The following SUSD2 variants were observed in gnomAD, a reference collection of about 807,000 sequenced individuals.
SUSD2 encodes the protein sushi domain containing 2.
Under a neutral mutation model 93.8 loss-of-function variants are expected in SUSD2, and 86 were observed. The observed-to-expected ratio is 0.92, with a 90% CI of 0.77 to 1.10. SUSD2 has a LOEUF of 1.10. SUSD2 is among the 50% of genes least tolerant of loss of function. The probability of loss-of-function intolerance (pLI) is 0.00; values close to 1 mark genes in which losing one functional copy is unlikely to be tolerated. For synonymous variants in SUSD2, 483 were observed against 485.0 expected, an observed-to-expected ratio of 1.00 and a Z score of 0.05; for missense variants, 1,060 against 1,137.0, an observed-to-expected ratio of 0.93 and a Z score of 0.97.
chr22:24,181,573 C>A lies in SUSD2; in HGVS notation c.54C>A (p.Gly18=). Residue 18 remains glycine, a synonymous_variant, in exon 1 of 15, where the codon GGC becomes GGA. Coordinates refer to ENST00000358321, the MANE Select transcript of SUSD2 (RefSeq NM_019601.4). Reference sequence around the variant, plus strand: ...TGCTGCTGCTGGCGACAGCCCTCGGCCCGGGCCCCGGACCCACAGCAGGTA... The same window carrying A: ...TGCTGCTGCTGGCGACAGCCCTCGGACCGGGCCCCGGACCCACAGCAGGTA... ...WALLLLATAL[G]PGPGPTADAQ... 1 of 1,599,992 alleles carries A rather than the reference C, an allele frequency of 6.3e-7. No individual in the cohort carries two copies. The highest frequency in any genetic ancestry group is 1.1e-5 in the South Asian group (1 of 88,850).
intron 10 of SUSD2, chr22:24,186,689 C>T (rs1382283919): frequency 1.9e-6 from 1 of 519,214 alleles, no homozygotes; most frequent in Non-Finnish European, 3.5e-6. Flanking sequence ...TCACCGCTGG[C>T]CTGCACAGAG....
At position 24,182,662 on chromosome 22, in the gene SUSD2, C is replaced by G. The variant is rs1247714548; in HGVS notation, c.77-395C>G. The G allele has an allele frequency of 9.9e-5, 21 of 213,048 alleles. No individual in the cohort carries two copies. The Admixed American group carries it at 1.1e-3, about 11-fold the overall frequency. The allele number at this position is 213,048 out of a possible 1,614,324, so 13.2% of individuals were successfully genotyped here. ...AGAAGGCGTGCTGACCACAGACACC[C>G]TGGGGAGCCAAGAGAGGTCGAGGGC... On this transcript the variant is annotated intron_variant, in intron 1 of 14. Transcript: ENST00000358321.
Position 24,183,593 on chromosome 22 carries a change from C to T in SUSD2, c.386C>T (p.Thr129Ile), listed in dbSNP as rs1212222979. 3 of 1,613,236 alleles carry T rather than the reference C, an allele frequency of 1.9e-6. No homozygotes were observed. Among genetic ancestry groups the T allele is most frequent in the Middle Eastern group, 1.6e-4 (1 of 6,082 alleles). The change falls in exon 3 of 15, where the codon ACT becomes ATT. Residue 129 changes from threonine to isoleucine, a missense_variant. This residue lies in a region of SUSD2 where 973 missense variants were observed against 1,005.3 expected (regional missense o/e 0.97). Transcript: ENST00000358321. ...TATGAGAGCGGCCGCATCCCCTTCA[C>T]TGTGTCACTGGACAACGGCCACTCC... The part of the protein sequence containing the change: ...LLYESGRIPF[T>I]VSLDNGHSFP...
rs778003084 is a variant in SUSD2 at position 24,186,233 on chromosome 22, C to G, written c.1484-24C>G. 1.1e-5 allele frequency: 17 copies of G among 1,611,610 alleles called. 1 individual carries two copies. Among genetic ancestry groups the G allele is most frequent in the Admixed American group, 6.7e-5 (4 of 59,854 alleles). On this transcript the variant is annotated intron_variant, in intron 9 of 14. Coordinates refer to ENST00000358321, the MANE Select transcript of SUSD2 (RefSeq NM_019601.4). ...GGTGGGAGGCTGGAGCCAAGTGGCT[C>G]CCGTTCTGCTCCCACCACCGCAGGC...
Position 24,187,631 on chromosome 22 carries a change from TC to T in SUSD2, c.1954del (p.Leu652CysfsTer48), listed in dbSNP as rs1350287876. ...GATTCCTGGTTCCTGGTCCACAACT[TC>T]CTGTACCAACCCAAGCACGACCCCA... ...TYDSWFLVHN[F>X]LYQPKHDPTF... is the part of the protein sequence containing the mutation. On this transcript the variant is annotated frameshift_variant, in exon 12 of 15. Coordinates refer to ENST00000358321, the MANE Select transcript of SUSD2 (RefSeq NM_019601.4). LOFTEE classifies it high-confidence loss of function. 1.2e-6 allele frequency: 2 copies of T among 1,613,978 alleles called. No homozygotes were observed. Among genetic ancestry groups the T allele is most frequent in the Non-Finnish European group, 1.7e-6 (2 of 1,179,962 alleles).
rs142969973 is a variant in SUSD2 at position 24,186,540 on chromosome 22, C to T, written c.1642+125C>T. The T allele has an allele frequency of 4.4e-3, 5,314 of 1,198,288 alleles. 47 individuals carry two copies. The highest frequency in any genetic ancestry group is 3.9e-3 in the Non-Finnish European group (3,358 of 864,794). The allele number at this position is 1,198,288 out of a possible 1,614,324, so 74.2% of individuals were successfully genotyped here. A position where few individuals can be genotyped will look rare whatever the true frequency, so the allele number is the denominator to read the frequency against. ...GTCCTGGCTAGAGGCCTGGGTGGTC[C>T]GACCTCAGGCCTTCACACCCACCGA... On this transcript the variant is annotated intron_variant, in intron 10 of 14. Transcript: ENST00000358321.
chr22:24,183,467 G>A (rs2047338540), intron 2 of SUSD2, 28 bp from the exon 3 acceptor site: 1 of 1,599,716 alleles, frequency 6.3e-7, no homozygotes. Flanking sequence ...CAATGACCCA[G>A]CCCCTCCCAC....
At chr22:24,185,067 C>A in intron 5 of SUSD2, 27 bp from the exon 6 acceptor site, 1 of 1,611,522 alleles carries the variant, frequency 6.2e-7, no homozygotes, top group Middle Eastern at 1.7e-4. Context: ...GTGGGCTGGC[C>A]CAGCTCCAGC....
intron 3 of SUSD2, 117 bp downstream of exon 3, chr22:24,183,763 G>A (rs559783717): frequency 4.1e-6 from 5 of 1,209,042 alleles, no homozygotes; most frequent in Admixed American, 2.5e-5. Context: ...CCAGTCCCTT[G>A]GGAGGCCTGC....
At position 24,184,171 on chromosome 22, in the gene SUSD2, G is replaced by T; in HGVS notation, c.475G>T (p.Glu159Ter). 1 of 1,612,814 alleles carries T rather than the reference G, an allele frequency of 6.2e-7. No individual in the cohort carries two copies. The highest frequency in any genetic ancestry group is 8.5e-7 in the Non-Finnish European group (1 of 1,180,006). ...CAAAGTGTCAATGATGGAGAAGAGC[G>T]AGTTGGTGAACGAGACGCGTTGGCA... ...PNKVSMMEKS[E>*]LVNETRWQYY... The change falls in exon 4 of 15, where the codon GAG becomes TAG. Residue 159 changes from glutamate (E) to a stop codon, truncating the protein, a stop_gained. Coordinates refer to ENST00000358321, the MANE Select transcript of SUSD2 (RefSeq NM_019601.4). LOFTEE classifies it high-confidence loss of function.
Position 24,188,276 on chromosome 22 carries a change from TGGC to T in SUSD2, c.2399_2401del (p.Ala800del), listed in dbSNP as rs768043805. 3 of 1,604,830 alleles carry T rather than the reference TGGC, an allele frequency of 1.9e-6. No homozygotes were observed. Among genetic ancestry groups the T allele is most frequent in the East Asian group, 2.2e-5 (1 of 44,750 alleles). On this transcript the variant is annotated inframe_deletion, in exon 14 of 15. Coordinates refer to ENST00000358321, the MANE Select transcript of SUSD2 (RefSeq NM_019601.4). This position sits in a 1 kb window ranked among gnomAD's most constrained non-coding sequence, Gnocchi z 4.7. ...ATCATCTTTGGGGGCCTCGCGGTGGTGGCGGCGGTTGCGCTCGTCTATGTGCTG... is the reference window on the plus strand; with the variant it reads ...ATCATCTTTGGGGGCCTCGCGGTGGTGGCGGTTGCGCTCGTCTATGTGCTG...
At position 24,186,331 on chromosome 22, in the gene SUSD2, C is replaced by A. The variant is rs974222200; in HGVS notation, c.1558C>A (p.Leu520Met). ...EGNSDVVEVR[L>M]ANRTGGLEVL... ...CAACTCAGATGTGGTGGAAGTCAGG[C>A]TGGCCAACAGGACCGGAGGTCTGGA... Residue 520 changes from leucine to methionine, a missense_variant, in exon 10 of 15, where the codon CTG becomes ATG. Leu to Met is a conservative substitution (Grantham distance 15, BLOSUM62 2). Around this residue, in one of 2 missense-constraint regions of SUSD2, gnomAD observed 973 missense variants for 1,005.3 expected, o/e 0.97. Coordinates refer to ENST00000358321, the MANE Select transcript of SUSD2 (RefSeq NM_019601.4). 6.2e-7 allele frequency: 1 copy of A among 1,613,986 alleles called. No individual in the cohort carries two copies. Among genetic ancestry groups the A allele is most frequent in the Non-Finnish European group, 8.5e-7 (1 of 1,180,034 alleles).
intron 10 of SUSD2, chr22:24,186,626 T>C: frequency 1.6e-6 from 1 of 608,468 alleles, no homozygotes. Flanking sequence ...GGACATGTCC[T>C]CCCTACGGAG....
Position 24,185,838 on chromosome 22 carries a change from CT to C in SUSD2, c.1249del (p.Tyr417IlefsTer40). On this transcript the variant is annotated frameshift_variant, in exon 8 of 15. Coordinates refer to ENST00000358321, the MANE Select transcript of SUSD2 (RefSeq NM_019601.4). LOFTEE classifies it high-confidence loss of function. ...SHWLYDVLSF[Y>X]YCCLWAPDCP... Reference sequence around the variant, plus strand: ...ACTGGCTCTACGATGTCCTCAGCTTCTATTACTGCTGCCTCTGGGCACCCGA... The same window carrying C: ...ACTGGCTCTACGATGTCCTCAGCTTCATTACTGCTGCCTCTGGGCACCCGA... The C allele has an allele frequency of 6.2e-7, 1 of 1,606,978 alleles. No homozygotes were observed. The highest frequency in any genetic ancestry group is 1.1e-5 in the South Asian group (1 of 90,132).
rs546207123 is a variant in SUSD2, at chr22:24,187,375, G to A, written c.1816G>A (p.Asp606Asn). 2.8e-5 allele frequency: 45 copies of A among 1,613,976 alleles called. No individual in the cohort carries two copies. Among genetic ancestry groups the A allele is most frequent in the Middle Eastern group, 3.3e-4 (2 of 6,062 alleles). ...LGTLNNDPTD[D>N]FTLHSGRVLP... The stretch of plus-strand genomic sequence containing the variant: ...GACACTCAACAACGACCCCACCGAC[G>A]ACTTCACCCTGCACAGCGGGCGCGT... The change falls in exon 11 of 15, where the codon GAC becomes AAC. Residue 606 changes from aspartate to asparagine, a missense_variant. By Grantham distance (23) the Asp-to-Asn change is conservative. This residue lies in a region of SUSD2 where 973 missense variants were observed against 1,005.3 expected (regional missense o/e 0.97). Transcript: ENST00000358321.
rs985379759 is a variant in SUSD2 at position 24,188,861 on chromosome 22, G to A, written c.*425G>A. The stretch of plus-strand genomic sequence containing the variant: ...CCGGGGCCCCTGACCCCTGATCTAC[G>A]GAGGCCTGCTCCCGGACCGTGCGGG... On this transcript the variant is annotated 3_prime_UTR_variant, in exon 15 of 15. Transcript: ENST00000358321. The surrounding 1 kb of genome is among the most constrained non-coding windows in gnomAD (Gnocchi z 4.7). The A allele has an allele frequency of 3.3e-5, 6 of 183,558 alleles. No homozygotes were observed. The highest frequency in any genetic ancestry group is 5.5e-5 in the Admixed American group (1 of 18,034). 11.4% of individuals were successfully genotyped at this position (183,558 alleles called of 1,614,324 possible).
intron 4 of SUSD2, 51 bp downstream of exon 4, chr22:24,184,354 G>C (rs111311684): frequency 0.027 from 43,132 of 1,579,244 alleles, 737 homozygotes; most frequent in Non-Finnish European, 0.032. Context: ...GCCCCCAGAG[G>C]GGGAGAAAGG....
In SUSD2 at chr22:24,185,182, ACTCAGTGCCAGGCCTGGGAGGAG is replaced by A; in HGVS notation, c.874_896del (p.Gln292GlyfsTer24). On this transcript the variant is annotated frameshift_variant, in exon 6 of 15. Transcript: ENST00000358321. LOFTEE classifies it high-confidence loss of function. ...AGAGGACCCTGTGGCCTGGGCACGA[ACTCAGTGCCAGGCCTGGGAGGAG>A]CTGGAGGATCAGCTGCCCAACTTCC... 6.2e-7 allele frequency: 1 copy of A among 1,612,118 alleles called. No individual in the cohort carries two copies. Among genetic ancestry groups the A allele is most frequent in the Non-Finnish European group, 8.5e-7 (1 of 1,179,794 alleles).
chr22:24,185,326 G>GC, intron 6 of SUSD2, 31 bp downstream of exon 6: 1 of 1,595,480 alleles, frequency 6.3e-7, no homozygotes, highest in African/African-American at 1.3e-5. Context: ...CAGGAGAGGG[G>GC]ATGAGGGGTT....
Sources: gnomAD v4.1 joint callset for allele counts on GRCh38, gnomAD v4.1.1 for gene constraint, gnomAD v4.1.1 regional missense constraint, Gnocchi (gnomAD v3.1) non-coding constraint, MANE v1.5 for transcripts, NCBI Gene and HGNC (gene_info 2026-07-23, HGNC 2026-07-21) for gene names.